Variants in HUWE1 observed in about 807,000 individuals in gnomAD.
HUWE1 encodes HECT, UBA and WWE domain containing E3 ubiquitin protein ligase 1, also known as E3 ubiquitin-protein ligase HUWE1.
HUWE1 carries 18 observed loss-of-function variants against 299.4 expected under a neutral mutation model. The observed-to-expected ratio is 0.06, with a 90% CI of 0.04 to 0.09. The LOEUF (loss-of-function observed/expected upper bound fraction) is 0.09, where lower values mean the gene tolerates loss of function less well. Among genes scored for constraint, HUWE1 ranks in the 10% least tolerant of loss-of-function variants. The pLI, the probability that HUWE1 is intolerant of heterozygous loss-of-function variation, is 1.00. For synonymous variants in HUWE1, 1,317 were observed against 1,286.1 expected, an observed-to-expected ratio of 1.02 and a Z score of -0.51; for missense variants, 1,832 against 3,462.3, an observed-to-expected ratio of 0.53 and a Z score of 11.82.
intron 43 of HUWE1, among the ~76,000 whole-genome samples, chrX:53,579,019 G>A (rs1556963374): frequency 3.7e-5 from 3 of 81,659 alleles, no homozygotes; most frequent in African/African-American, 1.0e-4. Context: ...CGCCCCGTCC[G>A]GGAGGGAGGC....
At chrX:53,577,791 C>T (rs1173481309) in intron 43 of HUWE1, among the ~76,000 whole-genome samples, 2 of 114,833 alleles carry the variant, frequency 1.7e-5, no homozygotes, top group Non-Finnish European at 3.7e-5. Context: ...CCCGAGGCGC[C>T]GGGATTGCAG....
intron 7 of HUWE1, among the ~76,000 whole-genome samples, chrX:53,642,607 C>T (rs1489039599): frequency 8.9e-6 from 1 of 112,277 alleles, no homozygotes; most frequent in Non-Finnish European, 1.9e-5. Flanking sequence ...AGTCTACACT[C>T]CTATGAACAA....
chrX:53,540,272 T>C (rs2061279057), intron 74 of HUWE1, among the ~76,000 whole-genome samples: 1 of 111,915 alleles, frequency 8.9e-6, no homozygotes. Flanking sequence ...TCATTTTGGT[T>C]TCTGAGGAAG....
chrX:53,629,518 T>C lies in HUWE1; in HGVS notation c.961A>G (p.Met321Val). The change falls in exon 13 of 84, where the codon ATG (methionine) becomes GTG (valine). Residue 321 changes from methionine to valine, a missense_variant and splice_region_variant. Coordinates refer to ENST00000262854, the MANE Select transcript of HUWE1 (RefSeq NM_031407.7). ...TACTCAACCTGTAAAATACTTACCA[T>C]AAGCTGCTTATCCGTTATCTGAAGG... ...DVLQITDKQL[M>V]EIKAASLRTL... 1 of 1,145,909 alleles carries C rather than the reference T, an allele frequency of 8.7e-7. No homozygotes were observed. Among genetic ancestry groups the C allele is most frequent in the African/African-American group, 1.8e-5 (1 of 56,373 alleles). The allele number at this position is 1,145,909 out of a possible 1,213,427, so 94.4% of individuals were successfully genotyped here.
chrX:53,578,213 A>C (rs1602780741), intron 43 of HUWE1, among the ~76,000 whole-genome samples: 1 of 85,531 alleles, frequency 1.2e-5, no homozygotes, highest in Non-Finnish European at 2.3e-5. Flanking sequence ...GCTGGGCCGC[A>C]ACCCTGTCTG....
intron 7 of HUWE1, among the ~76,000 whole-genome samples, chrX:53,635,548 C>G (rs911455711): frequency 8.9e-6 from 1 of 111,879 alleles, no homozygotes; most frequent in African/African-American, 3.2e-5. Flanking sequence ...AAATTCCTGG[C>G]CTCAAGTGAT....
chrX:53,617,583 T>A (rs2065873591), intron 19 of HUWE1, 137 bp from the exon 20 acceptor site: 1 of 484,878 alleles, frequency 2.1e-6, no homozygotes, highest in Non-Finnish European at 3.7e-6. Flanking sequence ...AAATTAAAGA[T>A]CCTAATACTG....
At chrX:53,675,876 G>C (rs917750081) in intron 3 of HUWE1, among the ~76,000 whole-genome samples, 2 of 111,612 alleles carry the variant, frequency 1.8e-5, no homozygotes, top group African/African-American at 6.5e-5. Flanking sequence ...TGAACACCTT[G>C]AATAGGAGGG....
rs782720863 is a variant in HUWE1, at chrX:53,551,417, C to T, written c.8945G>A (p.Arg2982Gln). 15 of 1,206,653 alleles carry T rather than the reference C, an allele frequency of 1.2e-5. No individual in the cohort carries two copies. Among genetic ancestry groups the T allele is most frequent in the East Asian group, 1.2e-4 (4 of 33,582 alleles). Residue 2982 changes from arginine (R) to glutamine (Q), a missense_variant, in exon 64 of 84, where the codon CGG (arginine) becomes CAG (glutamine). Arg to Gln is a conservative substitution (Grantham distance 43). Transcript: ENST00000262854. ...GCCTAGCTGGTTCTGTAGAACTTCC[C>T]GACGGATGTCATCAGGCAGGGCAGC... The part of the protein sequence containing the change: ...FLAALPDDIR[R>Q]EVLQNQLGIR...
Position 53,542,461 on chromosome X carries a change from G to C in HUWE1, c.11458C>G (p.Gln3820Glu). 8.4e-7 allele frequency: 1 copy of C among 1,192,533 alleles called. No homozygotes were observed. The change falls in exon 74 of 84, where the codon CAA becomes GAA. Residue 3820 changes from glutamine to glutamate, a missense_variant. Physicochemically the swap from Gln to Glu is conservative, Grantham distance 29. This residue lies in a region of HUWE1 where 27 missense variants were observed against 21.1 expected (regional missense o/e 1.28). Transcript: ENST00000262854. Reference protein sequence around the residue: ...MDVDQPSPSAQDTQSIASDGT... With the variant: ...MDVDQPSPSAEDTQSIASDGT... ...TACTGACCAATGGATTGAGTATCTT[G>C]AGCACTGGGAGATGGCTGGTCCACA...
rs2061608685 is a variant in HUWE1, at chrX:53,547,769, C to G, written c.10540G>C (p.Ala3514Pro). Reference sequence around the variant, plus strand: ...GCCGTGGCAGCAACCAGGGCTGGAGCAGAAGTGACAGGGGTGGGTGCAGTA... The same window carrying G: ...GCCGTGGCAGCAACCAGGGCTGGAGGAGAAGTGACAGGGGTGGGTGCAGTA... ...PPTAPTPVTS[A>P]PALVAATAIS... is the part of the protein sequence containing the mutation. The change falls in exon 68 of 84, where the codon GCT becomes CCT. Residue 3514 changes from alanine (A) to proline (P), a missense_variant. Coordinates refer to ENST00000262854, the MANE Select transcript of HUWE1 (RefSeq NM_031407.7). The G allele has an allele frequency of 5.0e-6, 6 of 1,199,914 alleles. No individual in the cohort carries two copies. The highest frequency in any genetic ancestry group is 6.7e-6 in the Non-Finnish European group (6 of 889,621).
chrX:53,591,690 C>A (rs189672545), intron 33 of HUWE1, among the ~76,000 whole-genome samples: 34 of 112,248 alleles, frequency 3.0e-4, no homozygotes, highest in Non-Finnish European at 5.8e-4. Flanking sequence ...ATGTTAACGA[C>A]GTAAAAATTA....
Position 53,549,184 on chromosome X carries a change from G to T in HUWE1, c.9810C>A (p.Asp3270Glu), listed in dbSNP as rs782099367. The T allele has an allele frequency of 5.1e-5, 62 of 1,210,586 alleles. No homozygotes were observed. The highest frequency in any genetic ancestry group is 6.8e-5 in the Non-Finnish European group (61 of 895,267). ...GSSSHENRPL[D>E]LLHKMESKSS... The stretch of plus-strand genomic sequence containing the variant: ...TCTTTGACTCCATCTTGTGTAGCAG[G>T]TCCAGGGGACGGTTCTCATGGCTAC... Residue 3270 changes from aspartate to glutamate, a missense_variant, in exon 67 of 84, where the codon GAC (aspartate) becomes GAA (glutamate). By Grantham distance (45) the Asp-to-Glu change is conservative (BLOSUM62 2). Around this residue, in one of 15 missense-constraint regions of HUWE1, gnomAD observed 80 missense variants for 142.1 expected, o/e 0.56. Coordinates refer to ENST00000262854, the MANE Select transcript of HUWE1 (RefSeq NM_031407.7).
At chrX:53,631,093 A>T (rs782647579) in intron 11 of HUWE1, 59 bp from the exon 12 acceptor site, 2 of 721,448 alleles carry the variant, frequency 2.8e-6, no homozygotes, top group Non-Finnish European at 4.4e-6. Context: ...AATATTCTTT[A>T]TGAGGGCTAA....
At chrX:53,563,892 A>G in intron 51 of HUWE1, 71 bp from the exon 52 acceptor site, 1 of 1,053,400 alleles carries the variant, frequency 9.5e-7, no homozygotes, top group Non-Finnish European at 1.3e-6. Context: ...AACCCTAAAA[A>G]AGGCCAGCAA....
intron 4 of HUWE1, 93 bp downstream of exon 4, chrX:53,653,970 A>G (rs987422709): frequency 4.9e-6 from 3 of 611,131 alleles, no homozygotes; most frequent in Non-Finnish European, 7.9e-6. Flanking sequence ...TATATGGGTG[A>G]TGAGATTTGA....
In HUWE1 at chrX:53,627,520, A is replaced by C; in HGVS notation, c.1384-5T>G. 2 of 1,131,009 alleles carry C rather than the reference A, an allele frequency of 1.8e-6. No individual in the cohort carries two copies. The highest frequency in any genetic ancestry group is 2.4e-6 in the Non-Finnish European group (2 of 824,593). The allele number at this position is 1,131,009 out of a possible 1,213,427, so 93.2% of individuals were successfully genotyped here. A position where few individuals can be genotyped will look rare whatever the true frequency, so the allele number is the denominator to read the frequency against. On this transcript the variant is annotated splice_region_variant and splice_polypyrimidine_tract_variant and intron_variant, in intron 16 of 83. Transcript: ENST00000262854. ...TCGGCACAAATCTACTTCATGCTAC[A>C]ATCAAGAGAAAGGTTATAAGAAAAT...
chrX:53,551,970 T>C (rs1325530064), intron 63 of HUWE1, among the ~76,000 whole-genome samples: 5 of 111,864 alleles, frequency 4.5e-5, no homozygotes, highest in Admixed American at 9.5e-5. Flanking sequence ...TTTTGTTATT[T>C]GCTAGACTGC....
chrX:53,619,821 G>A (rs1056956612), intron 19 of HUWE1, among the ~76,000 whole-genome samples: 1 of 111,600 alleles, frequency 9.0e-6, no homozygotes, highest in East Asian at 2.8e-4. Context: ...ACAGAGAAGA[G>A]AGTAAAGGAA....
Sources: gnomAD v4.1 joint callset for allele counts (sites outside exome capture counted in the v4.1 genomes callset) on GRCh38, gnomAD v4.1.1 for gene constraint, gnomAD v4.1.1 regional missense constraint, MANE v1.5 for transcripts, NCBI Gene and HGNC (gene_info 2026-07-23, HGNC 2026-07-21) for gene names.